SDK1: variants seen among roughly 807,000 people sequenced by gnomAD.
The protein encoded by SDK1 is sidekick cell adhesion molecule 1.
Under a neutral mutation model 245.5 loss-of-function variants are expected in SDK1, and 157 were observed. The ratio of observed to expected loss-of-function variants is 0.64; its 90% CI spans 0.56 to 0.73. The LOEUF is 0.73. Among genes scored for constraint, SDK1 ranks in the 30% least tolerant of loss-of-function variants. SDK1 has a pLI of 0.00. For synonymous variants in SDK1, 1,647 were observed against 1,278.5 expected, an observed-to-expected ratio of 1.29 and a Z score of -6.15; for missense variants, 3,583 against 3,002.3, an observed-to-expected ratio of 1.19 and a Z score of -4.52.
At chr7:3,647,550 C>T (rs550121808) in intron 4 of SDK1, among the ~76,000 whole-genome samples, 2 of 152,140 alleles carry the variant, frequency 1.3e-5, no homozygotes, top group Non-Finnish European at 2.9e-5. Context: ...CTTCAGCCTC[C>T]AGAGCACCTG....
intron 4 of SDK1, among the ~76,000 whole-genome samples, chr7:3,762,114 G>T: frequency 6.6e-6 from 1 of 152,192 alleles, no homozygotes; most frequent in East Asian, 1.9e-4. Flanking sequence ...TCAGGAATGA[G>T]CACATAACAG....
At chr7:3,593,234 G>T (rs932512320) in intron 1 of SDK1, among the ~76,000 whole-genome samples, 4 of 152,152 alleles carry the variant, frequency 2.6e-5, no homozygotes, top group African/African-American at 9.7e-5. Flanking sequence ...CTGGACTTTT[G>T]AAAAGTGGCC....
At chr7:3,328,523 T>TA (rs994285949) in intron 1 of SDK1, among the ~76,000 whole-genome samples, 28 of 152,034 alleles carry the variant, frequency 1.8e-4, no homozygotes, top group Non-Finnish European at 2.2e-4. Context: ...CTTATATATA[T>TA]AAAAAAACTT....
At chr7:3,889,701 G>T (rs1291109991) in intron 5 of SDK1, among the ~76,000 whole-genome samples, 7 of 152,108 alleles carry the variant, frequency 4.6e-5, no homozygotes, top group Admixed American at 4.6e-4. Context: ...GTAGAGACAG[G>T]GTTTCATCGT....
rs1387193386 is a variant in SDK1, at chr7:4,175,762, C to T, written c.4937-13C>T. ...GCGTGCTAACCACCTTTCTGCTTTGCTTACCCCAATAGCCCAAAGCAGCTT... is the reference window on the plus strand; with the variant it reads ...GCGTGCTAACCACCTTTCTGCTTTGTTTACCCCAATAGCCCAAAGCAGCTT... On this transcript the variant is annotated splice_polypyrimidine_tract_variant and intron_variant, in intron 33 of 44. Transcript: ENST00000404826. 6.2e-7 allele frequency: 1 copy of T among 1,612,858 alleles called. No homozygotes were observed. Among genetic ancestry groups the T allele is most frequent in the African/African-American group, 1.3e-5 (1 of 75,048 alleles).
At chr7:4,138,565 G>A (rs562740865) in intron 28 of SDK1, among the ~76,000 whole-genome samples, 2 of 151,954 alleles carry the variant, frequency 1.3e-5, no homozygotes, top group Admixed American at 6.6e-5. Flanking sequence ...TGGCCAACAT[G>A]GTGAAACCCC....
At chr7:3,608,672 A>T (rs1456716123) in intron 1 of SDK1, among the ~76,000 whole-genome samples, 24 of 152,226 alleles carry the variant, frequency 1.6e-4, no homozygotes, top group Admixed American at 1.6e-3. Context: ...GAAGGTCTGC[A>T]TCACTCAGCG....
In SDK1 at chr7:3,925,891, A is replaced by G. The variant is rs73674347; in HGVS notation, c.848-25032A>G. Among the ~76,000 whole-genome samples, 867 of 152,304 alleles carry G rather than the reference A, an allele frequency of 5.7e-3. 8 individuals are homozygous for G. The highest frequency in any genetic ancestry group is 0.019 in the African/African-American group (807 of 41,570). ...GATGAAACGGAAATTATCTTTTGGA[A>G]TTGTGCTGTTAACAATACTCTGTAT... On this transcript the variant is annotated intron_variant, in intron 5 of 44. Transcript: ENST00000404826.
chr7:4,107,111 C>CAGGGTGGGGAGGGTGGGGAGGGGGGGG (rs1782975461), intron 22 of SDK1, among the ~76,000 whole-genome samples: 1 of 31,204 alleles, frequency 3.2e-5, no homozygotes, highest in African/African-American at 9.1e-5. Flanking sequence ...TACACACATC[C>CAGGGTGGGGAGGGTGGGGAGGGGGGGG]AGGGTGGGGA....
intron 17 of SDK1, among the ~76,000 whole-genome samples, chr7:4,021,446 G>C (rs749761658): frequency 6.6e-6 from 1 of 152,168 alleles, no homozygotes; most frequent in Non-Finnish European, 1.5e-5. Flanking sequence ...ACAGTGACAG[G>C]AGCTTAAACA....
chr7:3,418,145 G>GAAAAAAAAAAAAAAAAAAAAAAAAAA (rs200914826), intron 1 of SDK1, among the ~76,000 whole-genome samples: 2 of 119,726 alleles, frequency 1.7e-5, no homozygotes, highest in African/African-American at 3.9e-5. Flanking sequence ...TACTAAAAAT[G>GAAAAAAAAAAAAAAAAAAAAAAAAAA]AAAAAAAAAA....
intron 44 of SDK1, among the ~76,000 whole-genome samples, chr7:4,254,655 G>T (rs1178975347): frequency 3.4e-5 from 5 of 144,986 alleles, no homozygotes; most frequent in Non-Finnish European, 1.5e-5. Context: ...TCCTGTGTAT[G>T]CATTATACTT....
intron 4 of SDK1, among the ~76,000 whole-genome samples, chr7:3,716,074 A>G (rs572498348): frequency 6.8e-4 from 103 of 152,008 alleles, no homozygotes; most frequent in African/African-American, 2.5e-3. Context: ...GGATAGATCA[A>G]TAGAATTTGC....
chr7:3,944,792 C>T (rs917121427), intron 5 of SDK1, among the ~76,000 whole-genome samples: 1 of 152,106 alleles, frequency 6.6e-6, no homozygotes, highest in Admixed American at 6.5e-5. Context: ...GGAGAGGAGC[C>T]AGTACCGATG....
chr7:3,336,923 C>G (rs1483968544), intron 1 of SDK1, among the ~76,000 whole-genome samples: 1 of 152,194 alleles, frequency 6.6e-6, no homozygotes, highest in Non-Finnish European at 1.5e-5. Context: ...CCACTCATCC[C>G]TGGTATTAAT....
rs1203176237 is a variant in SDK1 at position 3,952,451 on chromosome 7, C to T, written c.1150+531C>T. On this transcript the variant is annotated intron_variant, in intron 7 of 44. Coordinates refer to ENST00000404826, the MANE Select transcript of SDK1 (RefSeq NM_152744.4). Reference sequence around the variant, plus strand: ...TACAAACATCAGCTGGGCGCAGTGGCGGGCGCCTATGATCCCAGCCACTCG... The same window carrying T: ...TACAAACATCAGCTGGGCGCAGTGGTGGGCGCCTATGATCCCAGCCACTCG... 6.6e-5 allele frequency among the ~76,000 whole-genome samples: 10 copies of T among 152,128 alleles called. No individual in the cohort carries two copies. In the South Asian group the frequency reaches 1.5e-3, roughly 22 times the overall value.
intron 1 of SDK1, among the ~76,000 whole-genome samples, chr7:3,375,302 C>T (rs1052548495): frequency 1.3e-5 from 2 of 152,074 alleles, no homozygotes; most frequent in African/African-American, 4.8e-5. Context: ...ATAATACTGA[C>T]CCAGGACTAG....
intron 28 of SDK1, among the ~76,000 whole-genome samples, chr7:4,138,842 C>T (rs1187698563): frequency 6.6e-6 from 1 of 152,126 alleles, no homozygotes; most frequent in Non-Finnish European, 1.5e-5. Flanking sequence ...CCCAAGACAG[C>T]TACAGTTATC....
intron 1 of SDK1, among the ~76,000 whole-genome samples, chr7:3,472,134 A>G (rs1781203940): frequency 6.6e-6 from 1 of 152,124 alleles, no homozygotes; most frequent in African/African-American, 2.4e-5. Flanking sequence ...GTGGGTTGGT[A>G]AATGCATAGT....
Sources: allele counts gnomAD v4.1 joint callset (sites outside exome capture counted in the v4.1 genomes callset), GRCh38; gene constraint gnomAD v4.1.1; transcripts MANE v1.5; gene names NCBI Gene and HGNC (gene_info 2026-07-23, HGNC 2026-07-21).